The following SLC14A2 variants were observed in gnomAD, a reference collection of about 807,000 sequenced individuals.
The protein encoded by SLC14A2 is solute carrier family 14 member 2, also known as urea transporter 2.
In SLC14A2, 91 loss-of-function variants were observed where a neutral mutation model predicts 104.6. That is an observed-to-expected ratio of 0.87 (90% confidence interval 0.73 to 1.04). SLC14A2 has a LOEUF of 1.04. SLC14A2 is among the 50% of genes least tolerant of loss of function. The probability of loss-of-function intolerance (pLI) is 0.00; values close to 1 mark genes in which losing one functional copy is unlikely to be tolerated. For synonymous variants in SLC14A2, 476 were observed against 466.4 expected (o/e 1.02, Z -0.27); for missense variants, 1,189 against 1,156.0 (o/e 1.03, Z -0.41).
At chr18:45,652,677 T>C (rs1468459531) in intron 10 of SLC14A2, among the ~76,000 whole-genome samples, 1 of 152,236 alleles carries the variant, frequency 6.6e-6, no homozygotes, top group Non-Finnish European at 1.5e-5. Context: ...CGAATTTCAA[T>C]TGAGCCTTCA....
chr18:45,607,476 TA>T (rs2144434509), intron 2 of SLC14A2, among the ~76,000 whole-genome samples: 1 of 152,278 alleles, frequency 6.6e-6, no homozygotes, highest in South Asian at 2.1e-4. Context: ...ACTCAGCAAA[TA>T]TTAGTTACTT....
rs149524162 is a variant in SLC14A2, at chr18:45,389,751, T to C, written c.-124-93482T>C. Among the ~76,000 whole-genome samples the C allele has an allele frequency of 3.6e-3, 543 of 152,342 alleles. 3 individuals carry two copies. The highest frequency in any genetic ancestry group is 0.013 in the African/African-American group (522 of 41,574). On this transcript the variant is annotated intron_variant, in intron 1 of 20. Coordinates refer to the SLC14A2 transcript ENST00000586448. The stretch of plus-strand genomic sequence containing the variant: ...CTGACATGAACTTGATGGGTCTCTC[T>C]ACCCTATTTCTCTCCTCTTGTCCCA...
intron 2 of SLC14A2, among the ~76,000 whole-genome samples, chr18:45,524,674 T>C (rs1490463701): frequency 6.6e-6 from 1 of 152,162 alleles, no homozygotes; most frequent in Non-Finnish European, 1.5e-5. Context: ...TTTAGAGAAA[T>C]GGGTAAGTGA....
At chr18:45,205,196 G>GGC in the SLC14A2 span, among the ~76,000 whole-genome samples, 2 of 152,176 alleles carry the variant, frequency 1.3e-5, no homozygotes, top group Admixed American at 6.5e-5. Context: ...CCAGCTTTCA[G>GGC]GCAGCATACA....
At chr18:45,615,812 G>GGT (rs1417077677) in intron 1 of SLC14A2, among the ~76,000 whole-genome samples, 3 of 144,212 alleles carry the variant, frequency 2.1e-5, no homozygotes, top group Non-Finnish European at 3.0e-5. Context: ...TATGTGTAGG[G>GGT]GTGTATGTGT....
At chr18:45,317,374 G>T (rs1458841796) in intron 1 of SLC14A2, among the ~76,000 whole-genome samples, 1 of 152,208 alleles carries the variant, frequency 6.6e-6, no homozygotes, top group Non-Finnish European at 1.5e-5. Context: ...GGAGATCTCA[G>T]TCTATGCCCC....
intron 1 of SLC14A2, among the ~76,000 whole-genome samples, chr18:45,387,853 G>C (rs1242795660): frequency 2.0e-5 from 3 of 152,074 alleles, no homozygotes; most frequent in African/African-American, 7.2e-5. Context: ...GAGGCTATTT[G>C]TCAAAAATGC....
chr18:45,204,000 C>T, the SLC14A2 span, among the ~76,000 whole-genome samples: 2 of 152,230 alleles, frequency 1.3e-5, no homozygotes, highest in Middle Eastern at 3.4e-3. Flanking sequence ...ATTAATAATT[C>T]ACATTTTTTT....
intron 1 of SLC14A2, among the ~76,000 whole-genome samples, chr18:45,439,041 T>C (rs1159557629): frequency 6.6e-6 from 1 of 152,144 alleles, no homozygotes; most frequent in African/African-American, 2.4e-5. Context: ...CCCAGAACTT[T>C]GGGAGTTCCA....
the SLC14A2 span, among the ~76,000 whole-genome samples, chr18:45,192,642 T>TTTTTGTTTTGTTTTGTTTTGTTTTG: frequency 1.4e-5 from 2 of 144,930 alleles, no homozygotes; most frequent in African/African-American, 5.1e-5. Context: ...GTGTGGTTTT[T>TTTTTGTTTTGTTTTGTTTTGTTTTG]TTTTGTTTTG....
intron 1 of SLC14A2, among the ~76,000 whole-genome samples, chr18:45,285,671 C>A (rs891518279): frequency 6.3e-5 from 9 of 143,086 alleles, no homozygotes; most frequent in Non-Finnish European, 9.3e-5. Flanking sequence ...GCCCCCCCCC[C>A]CCCTCGGCCT....
At chr18:45,255,885 C>T (rs1342475613) in intron 1 of SLC14A2, among the ~76,000 whole-genome samples, 19 of 152,206 alleles carry the variant, frequency 1.2e-4, no homozygotes, top group Admixed American at 1.2e-3. Context: ...CTTTACCTCT[C>T]AGAAACCTCC....
chr18:45,182,025 G>C, the SLC14A2 span, among the ~76,000 whole-genome samples: 1 of 152,004 alleles, frequency 6.6e-6, no homozygotes, highest in Non-Finnish European at 1.5e-5. Context: ...ATGGCCAAAA[G>C]AGAATCATTG....
At chr18:45,422,085 A>G (rs1349249730) in intron 1 of SLC14A2, among the ~76,000 whole-genome samples, 1 of 152,240 alleles carries the variant, frequency 6.6e-6, no homozygotes, top group Non-Finnish European at 1.5e-5. Flanking sequence ...CAGAGAAGGT[A>G]GGGCCAAAGA....
intron 1 of SLC14A2, among the ~76,000 whole-genome samples, chr18:45,249,919 A>G (rs1316356027): frequency 1.3e-5 from 2 of 152,178 alleles, no homozygotes; most frequent in Non-Finnish European, 2.9e-5. Context: ...GCTGTACTCC[A>G]GCTTGGGTGA....
At chr18:45,651,000 G>A (rs1310935778) in intron 10 of SLC14A2, among the ~76,000 whole-genome samples, 2 of 152,048 alleles carry the variant, frequency 1.3e-5, no homozygotes, top group African/African-American at 2.4e-5. Flanking sequence ...TTTAAAAAGT[G>A]TTTTAGGCAT....
In SLC14A2 at chr18:45,645,088, C is replaced by T. The variant is rs142341782; in HGVS notation, c.1351+928C>T. On this transcript the variant is annotated intron_variant, in intron 10 of 19. Coordinates refer to ENST00000255226, the MANE Select transcript of SLC14A2 (RefSeq NM_007163.4). ...GTGTCCACGTGTTCTCACTGTTCAA[C>T]TCCCACTTATAAGTGAGAACATGTG... is the stretch of plus-strand genomic sequence containing the variant. 4.8e-3 allele frequency among the ~76,000 whole-genome samples: 737 copies of T among 152,278 alleles called. 3 individuals are homozygous for T. Among genetic ancestry groups the T allele is most frequent in the African/African-American group, 0.017 (712 of 41,562 alleles).
the SLC14A2 span, among the ~76,000 whole-genome samples, chr18:45,179,113 G>C: frequency 4.6e-5 from 7 of 152,272 alleles, no homozygotes; most frequent in African/African-American, 1.7e-4. Flanking sequence ...AAATTTCCCA[G>C]GGAGTTTGCT....
chr18:45,283,885 A>G (rs149669685), intron 1 of SLC14A2, among the ~76,000 whole-genome samples: 3 of 152,312 alleles, frequency 2.0e-5, no homozygotes, highest in African/African-American at 7.2e-5. Flanking sequence ...GCCCTCTGTG[A>G]CTACAGAGAA....
Sources: allele counts gnomAD v4.1 joint callset (sites outside exome capture counted in the v4.1 genomes callset), GRCh38; gene constraint gnomAD v4.1.1; transcripts MANE v1.5; gene names NCBI Gene and HGNC (gene_info 2026-07-23, HGNC 2026-07-21).